COL9A1: variants seen among roughly 807,000 people sequenced by gnomAD.
The protein encoded by COL9A1 is collagen alpha-1(IX) chain.
In COL9A1, 104 loss-of-function variants were observed where a neutral mutation model predicts 142.6. The ratio of observed to expected loss-of-function variants is 0.73; its 90% CI spans 0.62 to 0.86. The LOEUF (loss-of-function observed/expected upper bound fraction) is 0.86, where lower values mean the gene tolerates loss of function less well. Among genes scored for constraint, COL9A1 ranks in the 40% least tolerant of loss-of-function variants. The probability of loss-of-function intolerance (pLI) is 0.00; values close to 1 mark genes in which losing one functional copy is unlikely to be tolerated. For missense variants in COL9A1, 1,210 were observed against 1,176.6 expected (o/e 1.03, Z -0.42); for synonymous variants, 466 against 396.0 (o/e 1.18, Z -2.10).
At position 70,242,664 on chromosome 6, in the gene COL9A1, G is replaced by A; in HGVS notation, c.1924C>T (p.Leu642=). Residue 642 remains leucine (L), a splice_region_variant and synonymous_variant, in exon 29 of 38, where the codon CTG becomes TTG. Transcript: ENST00000357250. ...ATAAACGAAACTTTTCTACTTACCA[G>A]TTTACCTGGTAGGCCTGGGGATCCC... ...PVGSPGLPGK[L]GSLGSPGLPG... 6.2e-7 allele frequency: 1 copy of A among 1,613,926 alleles called. No individual in the cohort carries two copies. The highest frequency in any genetic ancestry group is 8.5e-7 in the Non-Finnish European group (1 of 1,179,814).
rs767995228 is a variant in COL9A1 at position 70,302,016 on chromosome 6, C to G, written c.73G>C (p.Val25Leu). The G allele has an allele frequency of 3.7e-6, 6 of 1,611,420 alleles. No individual in the cohort carries two copies. Among genetic ancestry groups the G allele is most frequent in the East Asian group, 2.2e-5 (1 of 44,868 alleles). ...SFLEPWASAA[V>L]KRRPRFPVNS... ...TGGCCCTTACTGGGGCGACGCTTGACAGCTGCAGATGCCCAGGGTTCCAGG... is the reference window on the plus strand; with the variant it reads ...TGGCCCTTACTGGGGCGACGCTTGAGAGCTGCAGATGCCCAGGGTTCCAGG... The change falls in exon 2 of 38, where the codon GTC becomes CTC. Residue 25 changes from valine (V) to leucine (L), a missense_variant. By Grantham distance (32) the Val-to-Leu change is conservative. Coordinates refer to ENST00000357250, the MANE Select transcript of COL9A1 (RefSeq NM_001851.6).
intron 21 of COL9A1, 44 bp downstream of exon 21, chr6:70,256,724 A>C (rs1195992558): frequency 1.2e-6 from 2 of 1,604,960 alleles, no homozygotes; most frequent in Admixed American, 1.7e-5. Context: ...ATAGCAAAAA[A>C]AAAAAAATCT....
At chr6:70,253,148 C>G (rs1318332501) in intron 26 of COL9A1, 3 of 407,482 alleles carry the variant, frequency 7.4e-6, no homozygotes, top group Non-Finnish European at 1.4e-5. Context: ...CTGTTTTATA[C>G]TGGCAAAGGA....
intron 7 of COL9A1, among the ~76,000 whole-genome samples, 197 bp downstream of exon 7, chr6:70,282,701 C>T (rs1773240343): frequency 1.3e-5 from 2 of 152,156 alleles, no homozygotes; most frequent in Non-Finnish European, 2.9e-5. Context: ...GGGAGGAGCC[C>T]CCCTTCCTAG....
At chr6:70,277,849 T>A (rs1179014417) in intron 10 of COL9A1, among the ~76,000 whole-genome samples, 1 of 152,156 alleles carries the variant, frequency 6.6e-6, no homozygotes, top group Admixed American at 6.5e-5. Flanking sequence ...GAAGACGAAA[T>A]GATTCGAGGT....
chr6:70,276,823 A>G (rs1772794939), intron 10 of COL9A1, among the ~76,000 whole-genome samples: 1 of 152,120 alleles, frequency 6.6e-6, no homozygotes, highest in Non-Finnish European at 1.5e-5. Context: ...TCCTGATCCT[A>G]CTACTTAGCA....
intron 4 of COL9A1, among the ~76,000 whole-genome samples, chr6:70,297,827 A>T (rs929572461): frequency 1.1e-4 from 17 of 152,282 alleles, no homozygotes; most frequent in African/African-American, 3.4e-4. Flanking sequence ...GTGTAAAACG[A>T]TTATGCTTAA....
Position 70,216,691 on chromosome 6 carries a change from C to G in COL9A1, c.*206G>C, listed in dbSNP as rs1378538671. The G allele has an allele frequency of 1.6e-6, 1 of 616,018 alleles. No individual in the cohort carries two copies. Among genetic ancestry groups the G allele is most frequent in the Non-Finnish European group, 2.9e-6 (1 of 345,086 alleles). The allele number at this position is 616,018 out of a possible 1,614,324, so 38.2% of individuals were successfully genotyped here. ...TTAACTGATGACTCTGCTGTCTTCC[C>G]TCCAAGGGAAAGGAAAGAGAACTTA... On this transcript the variant is annotated 3_prime_UTR_variant, in exon 38 of 38. Coordinates refer to ENST00000357250, the MANE Select transcript of COL9A1 (RefSeq NM_001851.6).
chr6:70,288,540 A>T (rs764405972), intron 5 of COL9A1, among the ~76,000 whole-genome samples: 1 of 152,184 alleles, frequency 6.6e-6, no homozygotes, highest in African/African-American at 2.4e-5. Flanking sequence ...TGTGAAAGCC[A>T]AAGTACTAAC....
intron 17 of COL9A1, among the ~76,000 whole-genome samples, chr6:70,268,225 T>A (rs1772156927): frequency 6.6e-6 from 1 of 151,956 alleles, no homozygotes. Context: ...GAAGCACTTT[T>A]TTTTTTTGAG....
intron 37 of COL9A1, among the ~76,000 whole-genome samples, chr6:70,219,785 A>C (rs1376132173): frequency 6.6e-6 from 1 of 152,228 alleles, no homozygotes; most frequent in Non-Finnish European, 1.5e-5. Context: ...TCTTTAAATA[A>C]ATATCTCCCA....
At chr6:70,242,423 T>C (rs1369810316) in intron 29 of COL9A1, among the ~76,000 whole-genome samples, 3 of 152,128 alleles carry the variant, frequency 2.0e-5, no homozygotes, top group Admixed American at 1.3e-4. Context: ...AGAGGCCAAA[T>C]GCAGCACTTC....
At chr6:70,302,319 C>T (rs1774101692) in intron 1 of COL9A1, among the ~76,000 whole-genome samples, 1 of 149,650 alleles carries the variant, frequency 6.7e-6, no homozygotes, top group African/African-American at 2.5e-5. Flanking sequence ...AAACGATTCT[C>T]CTGCCTCAGC....
chr6:70,267,327 G>GTTTTTTTTGTT (rs1554241918), intron 17 of COL9A1, among the ~76,000 whole-genome samples: 8 of 127,032 alleles, frequency 6.3e-5, no homozygotes, highest in Non-Finnish European at 8.3e-5. Context: ...TGGTTTTTTT[G>GTTTTTTTTGTT]TTTTTTTTTT....
chr6:70,230,758 A>G (rs1249566737), intron 36 of COL9A1, among the ~76,000 whole-genome samples: 1 of 152,154 alleles, frequency 6.6e-6, no homozygotes, highest in African/African-American at 2.4e-5. Flanking sequence ...TAAAATCCCA[A>G]TGCCCAAGCC....
intron 28 of COL9A1, among the ~76,000 whole-genome samples, chr6:70,251,691 T>C (rs1212262436): frequency 2.6e-5 from 4 of 152,240 alleles, no homozygotes; most frequent in South Asian, 2.1e-4. Context: ...TAAGAGGAAA[T>C]GATGGATGAC....
chr6:70,270,049 G>A lies in COL9A1; in HGVS notation c.1197+265C>T, dbSNP rs6913123. Among the ~76,000 whole-genome samples the A allele has an allele frequency of 0.042, 6,376 of 152,166 alleles. 270 individuals carry two copies. The highest frequency in any genetic ancestry group is 0.15 in the East Asian group (753 of 5,180). On this transcript the variant is annotated intron_variant, in intron 15 of 37. Transcript: ENST00000357250. The stretch of plus-strand genomic sequence containing the variant: ...TGCTTCATTTATATATCTAAGTTTT[G>A]AGCATTTGAGACATCACAACTGTCA...
At position 70,302,035 on chromosome 6, in the gene COL9A1, T is replaced by A; in HGVS notation, c.54A>T (p.Glu18Asp). ...GCTTGACAGCTGCAGATGCCCAGGGTTCCAGGAAACTGCACACAAAGAAGA... is the reference window on the plus strand; with the variant it reads ...GCTTGACAGCTGCAGATGCCCAGGGATCCAGGAAACTGCACACAAAGAAGA... ...PVFFFVCSFL[E>D]PWASAAVKRR... The change falls in exon 2 of 38, where the codon GAA becomes GAT. Residue 18 changes from glutamate to aspartate, a missense_variant. Transcript: ENST00000357250. The A allele has an allele frequency of 6.2e-7, 1 of 1,611,920 alleles. No homozygotes were observed. The highest frequency in any genetic ancestry group is 8.5e-7 in the Non-Finnish European group (1 of 1,179,242).
chr6:70,274,814 CT>C, intron 10 of COL9A1, 42 bp from the exon 11 acceptor site: 1 of 1,494,414 alleles, frequency 6.7e-7, no homozygotes, highest in Non-Finnish European at 9.3e-7. Flanking sequence ...TCATAACATC[CT>C]TAGGCAAACC....
Sources: gnomAD v4.1 joint callset for allele counts (sites outside exome capture counted in the v4.1 genomes callset) on GRCh38, gnomAD v4.1.1 for gene constraint, MANE v1.5 for transcripts, NCBI Gene and HGNC (gene_info 2026-07-23, HGNC 2026-07-21) for gene names.